Variants in SPRED1 observed in about 807,000 individuals in gnomAD.
The protein encoded by SPRED1 is sprouty-related, EVH1 domain-containing protein 1.
A neutral mutation model predicts 52.3 loss-of-function variants in SPRED1; 18 were observed. The ratio of observed to expected loss-of-function variants is 0.34; its 90% CI spans 0.24 to 0.51. The LOEUF (loss-of-function observed/expected upper bound fraction) is 0.51, where lower values mean the gene tolerates loss of function less well. Among genes scored for constraint, SPRED1 ranks in the 20% least tolerant of loss-of-function variants. SPRED1 has a pLI of 0.97. For synonymous variants in SPRED1, 155 were observed against 179.7 expected, an observed-to-expected ratio of 0.86 and a Z score of 1.10; for missense variants, 485 against 551.0, an observed-to-expected ratio of 0.88 and a Z score of 1.20.
At chr15:38,288,561 C>A (rs368758505) in intron 1 of SPRED1, among the ~76,000 whole-genome samples, 1 of 152,026 alleles carries the variant, frequency 6.6e-6, no homozygotes, top group South Asian at 2.1e-4. Context: ...AAGGAGCAAC[C>A]GATAGAATAT....
chr15:38,341,977 T>C (rs1022873551), intron 5 of SPRED1, among the ~76,000 whole-genome samples: 1 of 151,658 alleles, frequency 6.6e-6, no homozygotes, highest in Non-Finnish European at 1.5e-5. Flanking sequence ...TTTTCTTTTT[T>C]CCTTCCAACA....
At chr15:38,300,743 T>C (rs926029894) in intron 2 of SPRED1, among the ~76,000 whole-genome samples, 1 of 152,122 alleles carries the variant, frequency 6.6e-6, no homozygotes, top group Non-Finnish European at 1.5e-5. Flanking sequence ...AAGTCAAAAG[T>C]GAAATATGAT....
intron 2 of SPRED1, among the ~76,000 whole-genome samples, chr15:38,315,751 C>T (rs1895465471): frequency 6.6e-6 from 1 of 151,990 alleles, no homozygotes; most frequent in Non-Finnish European, 1.5e-5. Context: ...ACACCTCTGT[C>T]TCCATACTCA....
At chr15:38,285,046 A>T (rs1894775240) in intron 1 of SPRED1, among the ~76,000 whole-genome samples, 1 of 151,392 alleles carries the variant, frequency 6.6e-6, no homozygotes, top group South Asian at 2.1e-4. Flanking sequence ...TACTAGATCT[A>T]TTTTTTTTAA....
Position 38,339,825 on chromosome 15 carries a change from C to T in SPRED1, c.512C>T (p.Ser171Leu). Reference protein sequence around the residue: ...TVVTSEPYRSSNIRPSPFEDL... With the variant: ...TVVTSEPYRSLNIRPSPFEDL... ...GTTACCAGTGAGCCTTATAGAAGCT[C>T]AAATATAAGACCTTCTCCCTTTGAA... Residue 171 changes from serine to leucine, a missense_variant, in exon 5 of 7, where the codon TCA becomes TTA. Around this residue, in one of 5 missense-constraint regions of SPRED1, gnomAD observed 232 missense variants for 231.8 expected, o/e 1.00. Coordinates refer to ENST00000299084, the MANE Select transcript of SPRED1 (RefSeq NM_152594.3). 6.2e-7 allele frequency: 1 copy of T among 1,613,904 alleles called. No homozygotes were observed. Among genetic ancestry groups the T allele is most frequent in the Non-Finnish European group, 8.5e-7 (1 of 1,179,914 alleles).
chr15:38,291,121 A>G (rs12904174), intron 1 of SPRED1, among the ~76,000 whole-genome samples: 125,631 of 152,114 alleles, frequency 0.83, 52,637 homozygotes, highest in Non-Finnish European at 0.9. Context: ...TTCCAAGTGG[A>G]ATAAATTGTC....
chr15:38,329,530 G>A (rs1895770239), intron 4 of SPRED1, among the ~76,000 whole-genome samples: 1 of 152,118 alleles, frequency 6.6e-6, no homozygotes, highest in Non-Finnish European at 1.5e-5. Context: ...CAATCCTTTA[G>A]TAAGTGCTGC....
At chr15:38,291,591 A>G (rs1894925216) in intron 1 of SPRED1, among the ~76,000 whole-genome samples, 1 of 152,218 alleles carries the variant, frequency 6.6e-6, no homozygotes, top group Non-Finnish European at 1.5e-5. Context: ...TGTAGGCAGA[A>G]TTTCCCAAAC....
At chr15:38,313,274 A>G (rs1435168010) in intron 2 of SPRED1, among the ~76,000 whole-genome samples, 2 of 152,016 alleles carry the variant, frequency 1.3e-5, no homozygotes, top group Non-Finnish European at 2.9e-5. Context: ...GTATAAGATA[A>G]TGTAGCATTT....
In SPRED1 at chr15:38,356,306, A is replaced by G. The variant is rs975916334; in HGVS notation, c.*4642A>G. The G allele has an allele frequency of 6.6e-6, 1 of 152,140 alleles. No individual in the cohort carries two copies. Among genetic ancestry groups the G allele is most frequent in the Non-Finnish European group, 1.5e-5 (1 of 67,972 alleles). The allele number at this position is 152,140 out of a possible 1,614,324, so 9.4% of individuals were successfully genotyped here. A position where few individuals can be genotyped will look rare whatever the true frequency, so the allele number is the denominator to read the frequency against. On this transcript the variant is annotated 3_prime_UTR_variant, in exon 7 of 7. Transcript: ENST00000299084. ...GTTAACTAGCTTGATAGTTTTGAGT[A>G]TATAATGTAAATAATACATTATAAG...
At chr15:38,285,119 C>T (rs1334000828) in intron 1 of SPRED1, among the ~76,000 whole-genome samples, 1 of 152,046 alleles carries the variant, frequency 6.6e-6, no homozygotes, top group Admixed American at 6.6e-5. Context: ...CCCTCTCCCT[C>T]CATTCAAGTA....
At chr15:38,336,439 ATT>A (rs1566871766) in intron 4 of SPRED1, among the ~76,000 whole-genome samples, 4 of 33,386 alleles carry the variant, frequency 1.2e-4, no homozygotes, top group Admixed American at 4.1e-4. Context: ...TATATATAAT[ATT>A]ATATATATGT....
At chr15:38,312,519 T>C (rs1368762973) in intron 2 of SPRED1, among the ~76,000 whole-genome samples, 1 of 152,112 alleles carries the variant, frequency 6.6e-6, no homozygotes, top group Non-Finnish European at 1.5e-5. Context: ...AGAATTCCCC[T>C]ACAGTATCTA....
chr15:38,262,446 A>C (rs775764528), intron 1 of SPRED1, among the ~76,000 whole-genome samples: 1 of 152,194 alleles, frequency 6.6e-6, no homozygotes, highest in African/African-American at 2.4e-5. Flanking sequence ...GCATTTTAAG[A>C]GTCAGCCATG....
chr15:38,353,004 G>C lies in SPRED1; in HGVS notation c.*1340G>C, dbSNP rs1299874610. The C allele has an allele frequency of 6.6e-6, 1 of 152,238 alleles. No homozygotes were observed. Among genetic ancestry groups the C allele is most frequent in the Non-Finnish European group, 1.5e-5 (1 of 67,916 alleles). The allele number at this position is 152,238 out of a possible 1,614,324, so 9.4% of individuals were successfully genotyped here. ...GGTAAATGTTCCAACAAACTTTAAA[G>C]TACCTTGAAGTCAAATTGTCTGTTT... On this transcript the variant is annotated 3_prime_UTR_variant, in exon 7 of 7. Coordinates refer to ENST00000299084, the MANE Select transcript of SPRED1 (RefSeq NM_152594.3).
At chr15:38,253,897 A>C (rs1894037266) in intron 1 of SPRED1, among the ~76,000 whole-genome samples, 1 of 152,192 alleles carries the variant, frequency 6.6e-6, no homozygotes, top group Non-Finnish European at 1.5e-5. Context: ...TTTACCTTTC[A>C]GCTATGTGAA....
At position 38,265,009 on chromosome 15, in the gene SPRED1, C is replaced by A. The variant is rs4923784; in HGVS notation, c.32+11792C>A. On this transcript the variant is annotated intron_variant, in intron 1 of 6. Coordinates refer to ENST00000299084, the MANE Select transcript of SPRED1 (RefSeq NM_152594.3). The stretch of plus-strand genomic sequence containing the variant: ...TTGACTGATATTGCAGGGTTTTATC[C>A]AATACATTATATTGTCATTTATGGG... Among the ~76,000 whole-genome samples the A allele has an allele frequency of 7.2e-5, 11 of 152,050 alleles. No individual in the cohort carries two copies. In the South Asian group the frequency reaches 2.1e-3, roughly 29 times the overall value.
chr15:38,292,165 T>G (rs2140972840), intron 1 of SPRED1, among the ~76,000 whole-genome samples: 1 of 152,292 alleles, frequency 6.6e-6, no homozygotes, highest in East Asian at 1.9e-4. Flanking sequence ...GCCACCAGTT[T>G]CTTTGCTAAA....
chr15:38,278,828 G>GTTTTTTTTTTTTT (rs765637726), intron 1 of SPRED1, among the ~76,000 whole-genome samples: 2 of 118,248 alleles, frequency 1.7e-5, no homozygotes. Flanking sequence ...TAACTACACT[G>GTTTTTTTTTTTTT]TTTTTTTTTT....
Sources: allele counts gnomAD v4.1 joint callset (sites outside exome capture counted in the v4.1 genomes callset), GRCh38; gene constraint gnomAD v4.1.1; regional missense constraint gnomAD v4.1.1; transcripts MANE v1.5; gene names NCBI Gene and HGNC (gene_info 2026-07-23, HGNC 2026-07-21).